NEB: variants seen among roughly 807,000 people sequenced by gnomAD.
The protein encoded by NEB is nebulin, also known as nemaline myopathy type 2.
In NEB, 512 loss-of-function variants were observed where a neutral mutation model predicts 952.2. That is an observed-to-expected ratio of 0.54 (90% CI 0.50 to 0.58). The LOEUF (loss-of-function observed/expected upper bound fraction) is 0.58, where lower values mean the gene tolerates loss of function less well. Ranked by LOEUF, NEB falls within the 20% of genes least tolerant of loss-of-function variation. The probability of loss-of-function intolerance (pLI) is 0.00; values close to 1 mark genes in which losing one functional copy is unlikely to be tolerated. For synonymous variants in NEB, 2,900 were observed against 3,149.8 expected (o/e 0.92, Z 2.66); for missense variants, 8,428 against 9,231.1 (o/e 0.91, Z 3.56).
intron 121 of NEB, 124 bp from the exon 122 acceptor site, chr2:151,561,436 C>T: frequency 1.4e-6 from 1 of 697,126 alleles, no homozygotes; most frequent in Non-Finnish European, 2.5e-6. Flanking sequence ...AACAAACAGG[C>T]TGTCATTCTA....
intron 12 of NEB, among the ~76,000 whole-genome samples, chr2:151,708,000 C>T (rs1450106555): frequency 6.6e-6 from 1 of 152,178 alleles, no homozygotes; most frequent in East Asian, 1.9e-4. Flanking sequence ...TTTACTCTCC[C>T]CCTACCCGCA....
chr2:151,509,613 G>GT lies in NEB; in HGVS notation c.23347-1505dup, dbSNP rs112997385. On this transcript the variant is annotated intron_variant, in intron 161 of 181. Transcript: ENST00000397345. ...GCAGATGAACTGGGGAGGAAGAGAG[G>GT]TTTTTTTTTTGTTTGTTTGGTTTTT... 9.0e-4 allele frequency among the ~76,000 whole-genome samples: 134 copies of GT among 148,748 alleles called. 2 individuals carry two copies. The highest frequency in any genetic ancestry group is 1.6e-3 in the African/African-American group (66 of 40,578).
rs147800947 is a variant in NEB, at chr2:151,626,963, T to C, written c.10347+39A>G. 3.7e-6 allele frequency: 6 copies of C among 1,603,082 alleles called. No individual in the cohort carries two copies. In the African/African-American group the frequency reaches 8.0e-5, roughly 21 times the overall value. ...TTAACAATAGGTATCTTGAATGACA[T>C]ATAGCCCTGTCTTATTTTCCTACAA... is the stretch of plus-strand genomic sequence containing the variant. On this transcript the variant is annotated intron_variant, in intron 70 of 181. Coordinates refer to ENST00000397345, the MANE Select transcript of NEB (RefSeq NM_001164508.2).
intron 129 of NEB, 64 bp from the exon 130 acceptor site, chr2:151,549,804 C>T (rs992846495): frequency 4.4e-6 from 4 of 905,966 alleles, no homozygotes; most frequent in Non-Finnish European, 7.1e-6. Flanking sequence ...CTGAGCTTAA[C>T]AAATCACATA....
chr2:151,546,239 A>G (rs1046893861), intron 134 of NEB, 106 bp downstream of exon 134: 18 of 901,562 alleles, frequency 2.0e-5, no homozygotes, highest in Non-Finnish European at 1.7e-6. Context: ...ATTTCCCCTT[A>G]AAAGTAGCTG....
rs1379267378 is a variant in NEB at position 151,646,140 on chromosome 2, T to C, written c.7526A>G (p.Asn2509Ser). The C allele has an allele frequency of 1.3e-6, 2 of 1,587,402 alleles. No individual in the cohort carries two copies. The highest frequency in any genetic ancestry group is 3.5e-5 in the Admixed American group (2 of 56,724). ...DIVLAKANLI[N>S]TSDKLYRMGY... is the part of the protein sequence containing the mutation. ...AATTTGAAAACTTACATCACTTGTG[T>C]TGATTAAGTTTGCTTTAGCCAGAAC... Residue 2509 changes from asparagine to serine, a missense_variant, in exon 55 of 182, where the codon AAC (asparagine) becomes AGC (serine). Physicochemically the swap from Asn to Ser is conservative, Grantham distance 46. This residue lies in a region of NEB where 1,772 missense variants were observed against 1,960.3 expected (regional missense o/e 0.90). Coordinates refer to ENST00000397345, the MANE Select transcript of NEB (RefSeq NM_001164508.2).
In NEB at chr2:151,492,100, G is replaced by A. The variant is rs372762302; in HGVS notation, c.25055C>T (p.Thr8352Ile). Reference sequence around the variant, plus strand: ...TCCCCCAACCCAGGCTCAGTTACCTGTAATAGTCTCCTGATCTTGGTCATT... The same window carrying A: ...TCCCCCAACCCAGGCTCAGTTACCTATAATAGTCTCCTGATCTTGGTCATT... ...KRNDQDQETI[T>I]GLRVWRTNPG... The change falls in exon 178 of 182, where the codon ACA becomes ATA. Residue 8352 changes from threonine (T) to isoleucine (I), a missense_variant and splice_region_variant. Physicochemically the swap from Thr to Ile is moderately conservative, Grantham distance 89 (BLOSUM62 -1). Around this residue, in one of 11 missense-constraint regions of NEB, gnomAD observed 3,374 missense variants for 3,651.5 expected, o/e 0.92. Transcript: ENST00000397345. The A allele has an allele frequency of 2.4e-5, 38 of 1,613,784 alleles. No individual in the cohort carries two copies. In the African/African-American group the frequency reaches 3.6e-4, roughly 15 times the overall value.
intron 76 of NEB, among the ~76,000 whole-genome samples, chr2:151,615,515 G>A (rs1367941444): frequency 6.6e-6 from 1 of 152,160 alleles, no homozygotes. Context: ...CACCAATTAG[G>A]AGTTACAAAG....
chr2:151,642,574 T>C lies in NEB; in HGVS notation c.8373A>G (p.Glu2791=). ...AAKASRDIAS[E]FKYKEGYRKQ... is the part of the protein sequence containing the mutation. The stretch of plus-strand genomic sequence containing the variant: ...CAAATAACTTTCCAAGTATACTTAC[T>C]TCACTTGCAATATCTCTGGAGGCCT... The change falls in exon 60 of 182, where the codon GAA becomes GAG. Residue 2791 remains glutamate (E), a splice_region_variant and synonymous_variant. Transcript: ENST00000397345. The C allele has an allele frequency of 2.5e-6, 4 of 1,609,118 alleles. No homozygotes were observed. Among genetic ancestry groups the C allele is most frequent in the African/African-American group, 1.3e-5 (1 of 74,952 alleles).
In NEB at chr2:151,537,983, T is replaced by C; in HGVS notation, c.20998-7A>G. 6.2e-7 allele frequency: 1 copy of C among 1,607,240 alleles called. No individual in the cohort carries two copies. The highest frequency in any genetic ancestry group is 8.5e-7 in the Non-Finnish European group (1 of 1,174,408). On this transcript the variant is annotated splice_region_variant and splice_polypyrimidine_tract_variant and intron_variant, in intron 139 of 181. Coordinates refer to ENST00000397345, the MANE Select transcript of NEB (RefSeq NM_001164508.2). ...AGTTCTCCTTGTATTTTATCTGTTA[T>C]AAAAAACACAAAGACAGCTGTAAGT...
chr2:151,560,770 C>T (rs762380028), intron 123 of NEB, 71 bp from the exon 124 acceptor site: 73 of 1,193,878 alleles, frequency 6.1e-5, no homozygotes, highest in Non-Finnish European at 8.2e-5. Context: ...AGCAGGTTTT[C>T]CTTCTGTGTC....
intron 39 of NEB, 149 bp from the exon 40 acceptor site, chr2:151,668,060 T>C (rs1321908626): frequency 6.6e-6 from 4 of 604,494 alleles, no homozygotes; most frequent in South Asian, 4.6e-5. Flanking sequence ...TTGTCTTTTA[T>C]GTATATAATT....
At position 151,619,523 on chromosome 2, in the gene NEB, C is replaced by T. The variant is rs1189151767; in HGVS notation, c.10800G>A (p.Leu3600=). The T allele has an allele frequency of 3.1e-6, 5 of 1,613,766 alleles. No individual in the cohort carries two copies. Among genetic ancestry groups the T allele is most frequent in the Non-Finnish European group, 3.4e-6 (4 of 1,179,828 alleles). Residue 3600 remains leucine (L), a synonymous_variant, in exon 73 of 182, where the codon CTG becomes CTA. Coordinates refer to ENST00000397345, the MANE Select transcript of NEB (RefSeq NM_001164508.2). ...GGTCGGGCAGGCAGATCCATTCATGCAGAGGATGTTTATAGTCCACATCGC... is the reference window on the plus strand; with the variant it reads ...GGTCGGGCAGGCAGATCCATTCATGTAGAGGATGTTTATAGTCCACATCGC... ...LVSDVDYKHP[L]HEWICLPDQN...
intron 135 of NEB, among the ~76,000 whole-genome samples, chr2:151,542,841 G>A (rs2094235112): frequency 6.6e-6 from 1 of 152,088 alleles, no homozygotes; most frequent in Admixed American, 6.6e-5. Context: ...TAAAGTCCAA[G>A]GTCATTTATA....
chr2:151,540,717 C>T lies in NEB; in HGVS notation c.20767G>A (p.Val6923Met), dbSNP rs753673376. 7.4e-6 allele frequency: 12 copies of T among 1,613,474 alleles called. No homozygotes were observed. Among genetic ancestry groups the T allele is most frequent in the East Asian group, 4.5e-5 (2 of 44,874 alleles). The part of the protein sequence containing the change: ...QTTALKHAKD[V>M]KDMVSEKKYK... Reference sequence around the variant, plus strand: ...CTTACCTCACTGACCATGTCCTTCACGTCTTTAGCATGCTTCAAGGCTGTG... The same window carrying T: ...CTTACCTCACTGACCATGTCCTTCATGTCTTTAGCATGCTTCAAGGCTGTG... The change falls in exon 137 of 182, where the codon GTG (valine) becomes ATG (methionine). Residue 6923 changes from valine to methionine, a missense_variant. By Grantham distance (21) the Val-to-Met change is conservative. Transcript: ENST00000397345.
rs1216670824 is a variant in NEB at position 151,531,804 on chromosome 2, T to C, written c.21510A>G (p.Lys7170=). 2.5e-6 allele frequency: 4 copies of C among 1,611,238 alleles called. No homozygotes were observed. The highest frequency in any genetic ancestry group is 3.4e-6 in the Non-Finnish European group (4 of 1,177,976). The part of the protein sequence containing the change: ...PEHLRTTKVN[K]QISDILYKLE... ...TTCTTGCACTTACATCGCTGATTTG[T>C]TTGTTGACTTTTGTAGTACGCAGGT... Residue 7170 remains lysine, a synonymous_variant, in exon 144 of 182, where the codon AAA becomes AAG. Coordinates refer to ENST00000397345, the MANE Select transcript of NEB (RefSeq NM_001164508.2).
At position 151,493,782 on chromosome 2, in the gene NEB, A is replaced by C. The variant is rs768467393; in HGVS notation, c.24665T>G (p.Phe8222Cys). The C allele has an allele frequency of 3.8e-6, 6 of 1,572,142 alleles. No homozygotes were observed. Among genetic ancestry groups the C allele is most frequent in the Non-Finnish European group, 5.2e-6 (6 of 1,154,844 alleles). Residue 8222 changes from phenylalanine to cysteine, a missense_variant, in exon 175 of 182, where the codon TTT becomes TGT. By Grantham distance (205) the Phe-to-Cys change is radical. Around this residue, in one of 11 missense-constraint regions of NEB, gnomAD observed 3,374 missense variants for 3,651.5 expected, o/e 0.92. Coordinates refer to ENST00000397345, the MANE Select transcript of NEB (RefSeq NM_001164508.2). ...MERVKRNQENFSSVLYKENMR... is the reference protein window; with the variant it reads ...MERVKRNQENCSSVLYKENMR... The stretch of plus-strand genomic sequence containing the variant: ...TTTTCCTTTCTAAAATACCGAGCTA[A>C]AGTTTTCTTGATTGCGTTTCACTCT...
intron 9 of NEB, among the ~76,000 whole-genome samples, chr2:151,717,917 G>A (rs535402051): frequency 1.5e-4 from 23 of 150,394 alleles, no homozygotes; most frequent in Non-Finnish European, 3.4e-4. Context: ...GCAGTAGCGC[G>A]ATCTCGGCTC....
intron 7 of NEB, 136 bp downstream of exon 7, chr2:151,724,721 T>C: frequency 1.5e-6 from 1 of 669,134 alleles, no homozygotes; most frequent in South Asian, 1.9e-5. Flanking sequence ...GCCTCCTTGA[T>C]GAATACAGGT....
Sources: gnomAD v4.1 joint callset for allele counts (sites outside exome capture counted in the v4.1 genomes callset) on GRCh38, gnomAD v4.1.1 for gene constraint, gnomAD v4.1.1 regional missense constraint, MANE v1.5 for transcripts, NCBI Gene and HGNC (gene_info 2026-07-23, HGNC 2026-07-21) for gene names.